SLC39A11: variants seen among roughly 807,000 people sequenced by gnomAD.
SLC39A11 encodes the protein zinc transporter ZIP11.
SLC39A11 carries 33 observed loss-of-function variants against 36.1 expected under a neutral mutation model. That is an observed-to-expected ratio of 0.91 (90% CI 0.69 to 1.22). SLC39A11 has a LOEUF of 1.22. SLC39A11 is among the 50% of genes most tolerant of loss of function. The probability of loss-of-function intolerance (pLI) is 0.00; values close to 1 mark genes in which losing one functional copy is unlikely to be tolerated. For missense variants in SLC39A11, 432 were observed against 430.3 expected (o/e 1.00, Z -0.03); for synonymous variants, 166 against 170.3 (o/e 0.97, Z 0.20).
At chr17:72,664,989 G>A (rs1452322616) in intron 7 of SLC39A11, among the ~76,000 whole-genome samples, 1 of 152,186 alleles carries the variant, frequency 6.6e-6, no homozygotes, top group Non-Finnish European at 1.5e-5. Flanking sequence ...AGTTATCAGT[G>A]GCTCATTTCT....
chr17:73,091,622 G>A (rs2060926150), intron 1 of SLC39A11, among the ~76,000 whole-genome samples: 1 of 152,130 alleles, frequency 6.6e-6, no homozygotes, highest in Non-Finnish European at 1.5e-5. Context: ...AGAGTCCCAA[G>A]AGAACAAGAA....
At chr17:72,761,273 C>A (rs1422101357) in intron 6 of SLC39A11, among the ~76,000 whole-genome samples, 7 of 152,086 alleles carry the variant, frequency 4.6e-5, no homozygotes, top group Admixed American at 4.6e-4. Flanking sequence ...CGCCACCACG[C>A]CTGGCTAATT....
chr17:73,038,108 C>T (rs748049950), intron 3 of SLC39A11, among the ~76,000 whole-genome samples: 1 of 152,080 alleles, frequency 6.6e-6, no homozygotes, highest in Admixed American at 6.6e-5. Flanking sequence ...CCTGTAATCC[C>T]AGCTACTCGG....
chr17:72,921,162 G>C (rs1160414758), intron 5 of SLC39A11, among the ~76,000 whole-genome samples: 1 of 152,166 alleles, frequency 6.6e-6, no homozygotes, highest in African/African-American at 2.4e-5. Flanking sequence ...GAATGAAAAA[G>C]TAAGAACACA....
At chr17:72,662,655 A>G (rs377328606) in intron 7 of SLC39A11, among the ~76,000 whole-genome samples, 7 of 87,114 alleles carry the variant, frequency 8.0e-5, no homozygotes, top group East Asian at 5.0e-4. Flanking sequence ...AAAAGAAAAA[A>G]GAAAAGAAAA....
At position 72,947,807 on chromosome 17, in the gene SLC39A11, A is replaced by C. The variant is rs1228731309; in HGVS notation, c.375T>G (p.Ser125=). The change falls in exon 5 of 10, where the codon TCT becomes TCG. Residue 125 remains serine, a synonymous_variant. Transcript: ENST00000255559. The part of the protein sequence containing the change: ...NFGSTLMKKK[S]DPEGPALLFP... ...AGAGCAGCGCGGGACCCTCAGGATC[A>C]GACTTCTTCTTCATCAACGTAGAGC... 6.2e-7 allele frequency: 1 copy of C among 1,614,208 alleles called. No individual in the cohort carries two copies. Among genetic ancestry groups the C allele is most frequent in the Admixed American group, 1.7e-5 (1 of 60,022 alleles).
At chr17:72,942,386 T>A (rs925624130) in intron 5 of SLC39A11, among the ~76,000 whole-genome samples, 1 of 152,194 alleles carries the variant, frequency 6.6e-6, no homozygotes, top group Non-Finnish European at 1.5e-5. Flanking sequence ...CAAGAAATTA[T>A]ATCTACATGA....
intron 5 of SLC39A11, among the ~76,000 whole-genome samples, chr17:72,858,824 A>AT (rs2079801453): frequency 6.6e-6 from 1 of 152,186 alleles, no homozygotes; most frequent in Admixed American, 6.5e-5. Flanking sequence ...TTGTACAGTG[A>AT]TTTTGTATAC....
At chr17:72,965,575 G>A (rs758466349) in intron 4 of SLC39A11, among the ~76,000 whole-genome samples, 1 of 152,196 alleles carries the variant, frequency 6.6e-6, no homozygotes, top group Non-Finnish European at 1.5e-5. Flanking sequence ...TTTTGAGCAC[G>A]TTTAAGGTAG....
chr17:72,797,481 G>A (rs559937385), intron 6 of SLC39A11, among the ~76,000 whole-genome samples: 1 of 152,190 alleles, frequency 6.6e-6, no homozygotes, highest in East Asian at 1.9e-4. Context: ...TTAGATGAGG[G>A]CTAATTTAAA....
chr17:72,989,414 C>T (rs553468355), intron 4 of SLC39A11, among the ~76,000 whole-genome samples: 1 of 152,152 alleles, frequency 6.6e-6, no homozygotes, highest in Non-Finnish European at 1.5e-5. Flanking sequence ...TACTATCATC[C>T]CTTATAACAT....
At chr17:72,991,807 AG>A in intron 4 of SLC39A11, among the ~76,000 whole-genome samples, 1 of 152,248 alleles carries the variant, frequency 6.6e-6, no homozygotes, top group East Asian at 1.9e-4. Context: ...ATTCTCATGC[AG>A]GGTTCCCTGT....
In SLC39A11 at chr17:72,910,668, T is replaced by C. The variant is rs1258451111; in HGVS notation, c.430+37084A>G. ...AAGGCTGGGCACAGTGACTCATGGC[T>C]GTAATCCCAATACTTTGGGAGGCCA... On this transcript the variant is annotated intron_variant, in intron 5 of 9. Transcript: ENST00000255559. 3.5e-5 allele frequency among the ~76,000 whole-genome samples: 5 copies of C among 142,676 alleles called. No individual in the cohort carries two copies. The Admixed American group carries it at 3.6e-4, about 10-fold the overall frequency. The allele number at this position is 142,676 out of a possible 152,430, so 93.6% of individuals were successfully genotyped here.
chr17:73,090,363 G>A (rs1297075179), intron 1 of SLC39A11, among the ~76,000 whole-genome samples: 1 of 152,000 alleles, frequency 6.6e-6, no homozygotes, highest in Non-Finnish European at 1.5e-5. Flanking sequence ...TAAACGAACT[G>A]CACCAACTGT....
At chr17:72,850,171 G>A (rs1033907326) in intron 5 of SLC39A11, among the ~76,000 whole-genome samples, 1 of 152,190 alleles carries the variant, frequency 6.6e-6, no homozygotes, top group Non-Finnish European at 1.5e-5. Flanking sequence ...TGACTAGGCT[G>A]AGCATGGTCA....
intron 6 of SLC39A11, among the ~76,000 whole-genome samples, chr17:72,774,866 A>C (rs2076079658): frequency 6.6e-6 from 1 of 152,128 alleles, no homozygotes; most frequent in South Asian, 2.1e-4. Flanking sequence ...CATCCCCTTT[A>C]GTCTAGGATG....
chr17:72,829,850 G>A lies in SLC39A11; in HGVS notation c.601+19784C>T, dbSNP rs559434683. On this transcript the variant is annotated intron_variant, in intron 6 of 9. Transcript: ENST00000255559. Reference sequence around the variant, plus strand: ...TGTAGCCACCTTGTTCCCCTCAAAGGTGTGTTTTGAGCCCCCCACTCAGCT... The same window carrying A: ...TGTAGCCACCTTGTTCCCCTCAAAGATGTGTTTTGAGCCCCCCACTCAGCT... Among the ~76,000 whole-genome samples, 9 of 152,138 alleles carry A rather than the reference G, an allele frequency of 5.9e-5. No individual in the cohort carries two copies. In the East Asian group the frequency reaches 1.7e-3, roughly 29 times the overall value.
intron 6 of SLC39A11, among the ~76,000 whole-genome samples, chr17:72,847,830 G>C (rs1275526971): frequency 6.6e-6 from 1 of 152,170 alleles, no homozygotes; most frequent in Non-Finnish European, 1.5e-5. Context: ...ATCTGCAGAA[G>C]CTTTGTAGAG....
chr17:72,701,518 A>T (rs2072617221), intron 7 of SLC39A11, among the ~76,000 whole-genome samples: 1 of 152,154 alleles, frequency 6.6e-6, no homozygotes, highest in African/African-American at 2.4e-5. Context: ...ACCTGAGGTC[A>T]GGAGTTCGAG....
Sources: gnomAD v4.1 joint callset for allele counts (sites outside exome capture counted in the v4.1 genomes callset) on GRCh38, gnomAD v4.1.1 for gene constraint, MANE v1.5 for transcripts, NCBI Gene and HGNC (gene_info 2026-07-23, HGNC 2026-07-21) for gene names.